Variants in FANCC observed in about 807,000 individuals in gnomAD.
The protein encoded by FANCC is FA complementation group C.
A neutral mutation model predicts 71.3 loss-of-function variants in FANCC; 55 were observed. The observed-to-expected ratio is 0.77, with a 90% CI of 0.62 to 0.97. The LOEUF (loss-of-function observed/expected upper bound fraction) is 0.97, where lower values mean the gene tolerates loss of function less well. Among genes scored for constraint, FANCC ranks in the 50% least tolerant of loss-of-function variants. The pLI is 0.00. For synonymous variants in FANCC, 275 were observed against 244.9 expected (o/e 1.12, Z -1.15); for missense variants, 678 against 670.9 (o/e 1.01, Z -0.12).
At chr9:95,242,777 A>G (rs1830714727) in intron 3 of FANCC, among the ~76,000 whole-genome samples, 1 of 152,146 alleles carries the variant, frequency 6.6e-6, no homozygotes, top group Non-Finnish European at 1.5e-5. Flanking sequence ...TGCTTAGGCA[A>G]TTTACAAACA....
At chr9:95,141,311 C>CAAAAAAAA (rs66627467) in intron 7 of FANCC, among the ~76,000 whole-genome samples, 1 of 54,882 alleles carries the variant, frequency 1.8e-5, no homozygotes, top group African/African-American at 7.5e-5. Context: ...GACCCTGTCT[C>CAAAAAAAA]AAAAAAAAAA....
chr9:95,272,804 G>C (rs978981017), intron 1 of FANCC, among the ~76,000 whole-genome samples: 5 of 152,170 alleles, frequency 3.3e-5, no homozygotes, highest in African/African-American at 1.2e-4. Flanking sequence ...TTAAGTGAGG[G>C]ATAGGCATAT....
At chr9:95,163,359 A>AG (rs1163843449) in intron 6 of FANCC, among the ~76,000 whole-genome samples, 1 of 152,216 alleles carries the variant, frequency 6.6e-6, no homozygotes, top group East Asian at 1.9e-4. Flanking sequence ...CTTTGAAAAA[A>AG]GGAAGTATGA....
intron 1 of FANCC, among the ~76,000 whole-genome samples, chr9:95,310,917 A>G (rs1320167948): frequency 1.3e-5 from 2 of 152,202 alleles, no homozygotes; most frequent in Non-Finnish European, 2.9e-5. Flanking sequence ...GACAGAGGAA[A>G]AGTCATTATG....
At chr9:95,110,268 G>T in intron 13 of FANCC, 1 of 1,010,094 alleles carries the variant, frequency 9.9e-7, no homozygotes, top group Non-Finnish European at 1.2e-6. Flanking sequence ...CTTCAAAAGT[G>T]ATTCTCTGTC....
intron 4 of FANCC, among the ~76,000 whole-genome samples, chr9:95,175,766 T>C (rs1339153296): frequency 6.6e-6 from 1 of 152,244 alleles, no homozygotes; most frequent in Non-Finnish European, 1.5e-5. Context: ...CAAGCCAGGA[T>C]GGAGCCTGAA....
At chr9:95,235,974 T>G (rs1196206677) in intron 4 of FANCC, among the ~76,000 whole-genome samples, 2 of 152,008 alleles carry the variant, frequency 1.3e-5, no homozygotes, top group Admixed American at 1.3e-4. Flanking sequence ...TTATTAAGCT[T>G]GGCATTTATG....
intron 4 of FANCC, among the ~76,000 whole-genome samples, chr9:95,229,909 A>T (rs1364865730): frequency 3.9e-5 from 6 of 152,196 alleles, no homozygotes; most frequent in South Asian, 2.1e-4. Context: ...GAAGGGAAAA[A>T]ATTCTGAATT....
chr9:95,165,516 T>C (rs1831016849), intron 6 of FANCC, among the ~76,000 whole-genome samples: 2 of 152,084 alleles, frequency 1.3e-5, no homozygotes, highest in South Asian at 4.1e-4. Context: ...CAAGTTATTG[T>C]CTGTGTTTCT....
intron 1 of FANCC, among the ~76,000 whole-genome samples, chr9:95,297,437 C>T (rs1449590743): frequency 1.3e-5 from 2 of 152,158 alleles, no homozygotes; most frequent in African/African-American, 4.8e-5. Context: ...CCTTCCTTTC[C>T]CAAGGTTTTC....
intron 14 of FANCC, among the ~76,000 whole-genome samples, chr9:95,106,170 AG>A (rs1410886690): frequency 4.6e-5 from 7 of 152,024 alleles, no homozygotes; most frequent in Non-Finnish European, 8.8e-5. Flanking sequence ...ATGGCTGTGC[AG>A]TGCATCTCGC....
intron 4 of FANCC, among the ~76,000 whole-genome samples, chr9:95,173,520 G>A (rs775440459): frequency 9.2e-5 from 14 of 152,174 alleles, no homozygotes; most frequent in Non-Finnish European, 1.8e-4. Flanking sequence ...AACTATGCTC[G>A]AAGATGTTCA....
chr9:95,161,512 T>G (rs1188634587), intron 6 of FANCC, among the ~76,000 whole-genome samples: 1 of 152,216 alleles, frequency 6.6e-6, no homozygotes, highest in African/African-American at 2.4e-5. Context: ...TGCCTATTTA[T>G]GTTCCCATCA....
At chr9:95,130,577 T>G (rs965048184) in intron 8 of FANCC, among the ~76,000 whole-genome samples, 5 of 152,220 alleles carry the variant, frequency 3.3e-5, no homozygotes, top group Admixed American at 2.0e-4. Context: ...GGTATTTTCA[T>G]GTACTTGCAT....
At chr9:95,213,568 G>T (rs982468411) in intron 4 of FANCC, among the ~76,000 whole-genome samples, 1 of 152,164 alleles carries the variant, frequency 6.6e-6, no homozygotes, top group Non-Finnish European at 1.5e-5. Flanking sequence ...GACAGCCTTT[G>T]CAACAAATGA....
chr9:95,163,247 T>C (rs988415624), intron 6 of FANCC, among the ~76,000 whole-genome samples: 2 of 152,198 alleles, frequency 1.3e-5, no homozygotes, highest in Non-Finnish European at 2.9e-5. Flanking sequence ...TGATCTTCCA[T>C]GTGAAGCCTT....
At chr9:95,150,349 A>G (rs575609300) in intron 6 of FANCC, among the ~76,000 whole-genome samples, 3 of 152,278 alleles carry the variant, frequency 2.0e-5, no homozygotes, top group African/African-American at 7.2e-5. Flanking sequence ...TATGTCCAAA[A>G]CACAACTCCT....
At chr9:95,222,669 A>G (rs1829354522) in intron 4 of FANCC, among the ~76,000 whole-genome samples, 1 of 152,262 alleles carries the variant, frequency 6.6e-6, no homozygotes, top group Non-Finnish European at 1.5e-5. Context: ...TTTTTAAAAA[A>G]TAATATAACA....
At chr9:95,260,499 T>C (rs1448452416) in intron 1 of FANCC, among the ~76,000 whole-genome samples, 1 of 151,776 alleles carries the variant, frequency 6.6e-6, no homozygotes, top group African/African-American at 2.4e-5. Context: ...TGCGAACACA[T>C]GGACCCAGGG....
Sources: allele counts gnomAD v4.1 joint callset (sites outside exome capture counted in the v4.1 genomes callset), GRCh38; gene constraint gnomAD v4.1.1; transcripts MANE v1.5; gene names NCBI Gene and HGNC (gene_info 2026-07-23, HGNC 2026-07-21).